EIPR1: variants seen among roughly 807,000 people sequenced by gnomAD.
The protein encoded by EIPR1 is EARP complex and GARP complex interacting protein 1, also known as EARP and GARP complex-interacting protein 1.
In EIPR1, 25 loss-of-function variants were observed where a neutral mutation model predicts 48.1. The ratio of observed to expected loss-of-function variants is 0.52; its 90% confidence interval spans 0.38 to 0.73. The LOEUF (loss-of-function observed/expected upper bound fraction) is 0.73, where lower values mean the gene tolerates loss of function less well. EIPR1 is among the 30% of genes least tolerant of loss of function. EIPR1 has a pLI of 0.00. For missense variants in EIPR1, 415 were observed against 506.2 expected (o/e 0.82, Z 1.73); for synonymous variants, 204 against 201.9 (o/e 1.01, Z -0.09).
intron 5 of EIPR1, among the ~76,000 whole-genome samples, chr2:3,199,046 T>C (rs6740126): frequency 0.76 from 47,199 of 62,092 alleles, 19,544 homozygotes; most frequent in Non-Finnish European, 0.84. Context: ...ACCCCCAGAG[T>C]GGCCATTTTA....
At chr2:3,337,056 T>TA (rs1176399711) in intron 3 of EIPR1, among the ~76,000 whole-genome samples, 1 of 54,420 alleles carries the variant, frequency 1.8e-5, no homozygotes, top group Non-Finnish European at 3.8e-5. Context: ...GGGAAAAGGG[T>TA]AAAAAGAAGG....
chr2:3,208,774 T>C (rs1665328460), intron 5 of EIPR1: 1 of 1,548,780 alleles, frequency 6.5e-7, no homozygotes, highest in Non-Finnish European at 8.7e-7. Context: ...CGAGTCCTTC[T>C]TCCTTGAGTG....
intron 3 of EIPR1, among the ~76,000 whole-genome samples, chr2:3,335,660 G>A (rs1670020684): frequency 6.6e-6 from 1 of 152,190 alleles, no homozygotes; most frequent in Non-Finnish European, 1.5e-5. Flanking sequence ...CATGTCCAGG[G>A]AGGAACCTGG....
chr2:3,214,522 G>A, intron 4 of EIPR1: 2 of 308,840 alleles, frequency 6.5e-6, no homozygotes, highest in East Asian at 6.7e-5. Flanking sequence ...ATGTACACAG[G>A]GGCTATGTCC....
Position 3,283,939 on chromosome 2 carries a change from A to C in EIPR1, c.260-26484T>G, listed in dbSNP as rs563629657. 3.6e-4 allele frequency among the ~76,000 whole-genome samples: 51 copies of C among 140,694 alleles called. No homozygotes were observed. In the South Asian group the frequency reaches 0.011, roughly 31 times the overall value. 92.3% of individuals were successfully genotyped at this position (140,694 alleles called of 152,430 possible). The stretch of plus-strand genomic sequence containing the variant: ...CCAGCCTGGGTGACAAAGCGAGACT[A>C]CATCTAAAAAAAAAAAAAAAAAAAA... On this transcript the variant is annotated intron_variant, in intron 3 of 8. Transcript: ENST00000382125.
intron 2 of EIPR1, among the ~76,000 whole-genome samples, chr2:3,346,226 C>T (rs756284431): frequency 5.9e-5 from 9 of 152,332 alleles, no homozygotes; most frequent in East Asian, 1.9e-4. Context: ...GTGGGATAGA[C>T]GAAACTGGCT....
At chr2:3,197,240 T>A (rs997495058) in intron 5 of EIPR1, among the ~76,000 whole-genome samples, 1 of 152,178 alleles carries the variant, frequency 6.6e-6, no homozygotes, top group Non-Finnish European at 1.5e-5. Flanking sequence ...GAAAGCATAT[T>A]AATAGGCCTC....
intron 3 of EIPR1, among the ~76,000 whole-genome samples, chr2:3,283,317 C>G (rs1668071734): frequency 6.6e-6 from 1 of 152,194 alleles, no homozygotes; most frequent in East Asian, 1.9e-4. Context: ...GTCCGAGCAG[C>G]CAAGTAACAC....
chr2:3,266,441 G>T (rs142517863), intron 3 of EIPR1, among the ~76,000 whole-genome samples: 3 of 152,212 alleles, frequency 2.0e-5, no homozygotes, highest in African/African-American at 4.8e-5. Context: ...TACCTTCCTC[G>T]ATGGCCTTTT....
intron 3 of EIPR1, among the ~76,000 whole-genome samples, chr2:3,287,628 TTCGTTCACCACGCTCCGGAAAGC>T (rs1558275024): frequency 8.8e-6 from 1 of 113,288 alleles, no homozygotes; most frequent in African/African-American, 3.5e-5. Context: ...CTCCAGAAAG[TTCGTTCACCACGCTCCGGAAAGC>T]TCGTTCACCA....
intron 4 of EIPR1, among the ~76,000 whole-genome samples, chr2:3,218,899 C>G (rs932893654): frequency 1.4e-5 from 2 of 142,794 alleles, no homozygotes; most frequent in Admixed American, 7.0e-5. Flanking sequence ...GAGTCAGGTG[C>G]ACACCCAACA....
Position 3,226,512 on chromosome 2 carries a change from T to C in EIPR1, c.417-12264A>G, listed in dbSNP as rs535041144. The stretch of plus-strand genomic sequence containing the variant: ...GAGTTGTATGAGTTCCTTATGTATT[T>C]TGGATATTAATCCCTTATTGGATAT... On this transcript the variant is annotated intron_variant, in intron 4 of 8. Transcript: ENST00000382125. Among the ~76,000 whole-genome samples, 38 of 152,262 alleles carry C rather than the reference T, an allele frequency of 2.5e-4. 1 individual carries two copies. The highest frequency in any genetic ancestry group is 1.3e-4 in the Admixed American group (2 of 15,292).
chr2:3,318,880 A>T, intron 3 of EIPR1: 1 of 471,316 alleles, frequency 2.1e-6, no homozygotes, highest in South Asian at 1.5e-5. Flanking sequence ...CCTGAAGAAG[A>T]CCTGGTGCAA....
intron 2 of EIPR1, among the ~76,000 whole-genome samples, chr2:3,351,093 A>T (rs1210180626): frequency 6.7e-6 from 1 of 150,284 alleles, no homozygotes; most frequent in Non-Finnish European, 1.5e-5. Context: ...CCATCTTCCC[A>T]GTTGTCAAGT....
At chr2:3,338,270 A>G (rs1670128700) in intron 2 of EIPR1, 121 bp from the exon 3 acceptor site, 5 of 1,153,694 alleles carry the variant, frequency 4.3e-6, no homozygotes, top group Non-Finnish European at 6.0e-6. Flanking sequence ...TCTTTAGTTA[A>G]TTGTTATTAT....
In EIPR1 at chr2:3,194,229, C is replaced by CT. The variant is rs1664715891; in HGVS notation, c.654-64dup. 2.5e-6 allele frequency: 4 copies of CT among 1,585,072 alleles called. No homozygotes were observed. The Admixed American group carries it at 6.7e-5, about 27-fold the overall frequency. On this transcript the variant is annotated intron_variant, in intron 6 of 8. Coordinates refer to ENST00000382125, the MANE Select transcript of EIPR1 (RefSeq NM_003310.5). Reference sequence around the variant, plus strand: ...ATGGATTAGGAAAAGCCACTGCGTGCTGCGGGCACACACTGGTTTCCCGGG... The same window carrying CT: ...ATGGATTAGGAAAAGCCACTGCGTGCTTGCGGGCACACACTGGTTTCCCGGG...
chr2:3,370,580 A>G (rs1184901263), intron 1 of EIPR1, among the ~76,000 whole-genome samples: 1 of 151,292 alleles, frequency 6.6e-6, no homozygotes, highest in South Asian at 2.1e-4. Flanking sequence ...CTCGAGAACT[A>G]TGTGAAGAAT....
intron 4 of EIPR1, among the ~76,000 whole-genome samples, chr2:3,225,050 A>G (rs957536885): frequency 6.6e-6 from 1 of 152,240 alleles, no homozygotes; most frequent in African/African-American, 2.4e-5. Flanking sequence ...AGTTACGTGC[A>G]TATCTATTTA....
At chr2:3,196,417 C>G (rs1478548709) in intron 6 of EIPR1, among the ~76,000 whole-genome samples, 1 of 152,136 alleles carries the variant, frequency 6.6e-6, no homozygotes, top group African/African-American at 2.4e-5. Flanking sequence ...GAGCTGCTGG[C>G]TGTTGGGTAT....
Sources: allele counts gnomAD v4.1 joint callset (sites outside exome capture counted in the v4.1 genomes callset), GRCh38; gene constraint gnomAD v4.1.1; transcripts MANE v1.5; gene names NCBI Gene and HGNC (gene_info 2026-07-23, HGNC 2026-07-21).